UNC5D: variants seen among roughly 807,000 people sequenced by gnomAD.
UNC5D encodes the protein unc-5 netrin receptor D, also known as netrin receptor UNC5D.
UNC5D carries 39 observed loss-of-function variants against 105.4 expected under a neutral mutation model. The ratio of observed to expected loss-of-function variants is 0.37; its 90% CI spans 0.29 to 0.48. The LOEUF (loss-of-function observed/expected upper bound fraction) is 0.48, where lower values mean the gene tolerates loss of function less well. Ranked by LOEUF, UNC5D falls within the 20% of genes least tolerant of loss-of-function variation. The pLI is 0.98. For synonymous variants in UNC5D, 452 were observed against 450.4 expected, an observed-to-expected ratio of 1.00 and a Z score of -0.04; for missense variants, 991 against 1,202.4, an observed-to-expected ratio of 0.82 and a Z score of 2.60.
chr8:35,497,422 C>G (rs181442820), intron 1 of UNC5D, among the ~76,000 whole-genome samples: 1 of 152,280 alleles, frequency 6.6e-6, no homozygotes, highest in East Asian at 1.9e-4. Flanking sequence ...TCTCAAATGC[C>G]AGTGCAGCAT....
intron 1 of UNC5D, among the ~76,000 whole-genome samples, chr8:35,389,036 G>T (rs965320863): frequency 6.6e-6 from 1 of 152,182 alleles, no homozygotes; most frequent in African/African-American, 2.4e-5. Flanking sequence ...ATTGACAAGT[G>T]AACTTGGAAT....
chr8:35,686,495 AC>A, intron 6 of UNC5D, 49 bp from the exon 7 acceptor site: 1 of 1,505,700 alleles, frequency 6.6e-7, no homozygotes, highest in Non-Finnish European at 8.8e-7. Flanking sequence ...GAGTCTCCTG[AC>A]CGCTACTTGA....
chr8:35,641,189 G>A (rs1175516926), intron 4 of UNC5D, among the ~76,000 whole-genome samples: 5 of 151,842 alleles, frequency 3.3e-5, no homozygotes, highest in Non-Finnish European at 5.9e-5. Flanking sequence ...TGACTAATGA[G>A]CAGAATTTTT....
chr8:35,339,751 C>G (rs1221066736), intron 1 of UNC5D, among the ~76,000 whole-genome samples: 1 of 152,146 alleles, frequency 6.6e-6, no homozygotes, highest in Non-Finnish European at 1.5e-5. Flanking sequence ...GGAGGAAAAG[C>G]AGGTTTATCT....
At chr8:35,710,633 G>A (rs1004961720) in intron 8 of UNC5D, among the ~76,000 whole-genome samples, 1 of 152,132 alleles carries the variant, frequency 6.6e-6, no homozygotes, top group Non-Finnish European at 1.5e-5. Flanking sequence ...ATAGAGAAGA[G>A]AAAAGACCTG....
intron 1 of UNC5D, among the ~76,000 whole-genome samples, chr8:35,505,080 C>A (rs1420347906): frequency 6.6e-6 from 1 of 152,144 alleles, no homozygotes; most frequent in Admixed American, 6.5e-5. Flanking sequence ...GTGATGTATA[C>A]CCCATACCCT....
At chr8:35,443,606 G>A (rs1362020380) in intron 1 of UNC5D, among the ~76,000 whole-genome samples, 4 of 151,852 alleles carry the variant, frequency 2.6e-5, no homozygotes, top group African/African-American at 9.7e-5. Flanking sequence ...TTCAGAAAGA[G>A]GGCACTGCAT....
chr8:35,415,870 G>A (rs764555148), intron 1 of UNC5D, among the ~76,000 whole-genome samples: 2 of 152,126 alleles, frequency 1.3e-5, no homozygotes, highest in African/African-American at 2.4e-5. Flanking sequence ...AACTACAGTA[G>A]AGTAGGAAGA....
At chr8:35,685,093 T>C (rs1041232681) in intron 6 of UNC5D, among the ~76,000 whole-genome samples, 1 of 152,202 alleles carries the variant, frequency 6.6e-6, no homozygotes, top group African/African-American at 2.4e-5. Context: ...TTTATTTGTA[T>C]AATAGTTAGC....
At chr8:35,733,220 C>A (rs1586553452) in intron 11 of UNC5D, among the ~76,000 whole-genome samples, 1 of 152,180 alleles carries the variant, frequency 6.6e-6, no homozygotes, top group Non-Finnish European at 1.5e-5. Flanking sequence ...GCCTCACTCC[C>A]TTTTGATAGC....
chr8:35,737,404 T>G (rs1406709169), intron 11 of UNC5D, among the ~76,000 whole-genome samples: 1 of 151,462 alleles, frequency 6.6e-6, no homozygotes, highest in African/African-American at 2.4e-5. Context: ...CACTTGAGAG[T>G]TTGTGATAAT....
intron 4 of UNC5D, among the ~76,000 whole-genome samples, chr8:35,636,715 C>T (rs537931242): frequency 6.6e-6 from 1 of 152,274 alleles, no homozygotes; most frequent in East Asian, 1.9e-4. Flanking sequence ...ATCAGGCCTC[C>T]AGAGGCATAT....
intron 1 of UNC5D, among the ~76,000 whole-genome samples, chr8:35,382,030 A>T (rs1235398359): frequency 6.6e-6 from 1 of 152,244 alleles, no homozygotes; most frequent in Admixed American, 6.5e-5. Flanking sequence ...CAGCATTTTT[A>T]AAGAACACAT....
intron 1 of UNC5D, among the ~76,000 whole-genome samples, chr8:35,410,980 G>C (rs1805125928): frequency 6.6e-6 from 1 of 152,042 alleles, no homozygotes; most frequent in South Asian, 2.1e-4. Flanking sequence ...TGGACACCTT[G>C]CAGTCCCTTC....
intron 1 of UNC5D, among the ~76,000 whole-genome samples, chr8:35,326,235 A>G (rs900242098): frequency 6.6e-6 from 1 of 152,176 alleles, no homozygotes; most frequent in African/African-American, 2.4e-5. Flanking sequence ...AGTTCCCTCC[A>G]ACTCTGGAAG....
chr8:35,325,626 C>A (rs1352140439), intron 1 of UNC5D, among the ~76,000 whole-genome samples: 1 of 152,110 alleles, frequency 6.6e-6, no homozygotes. Context: ...ACATACAATG[C>A]GTTCTATTCT....
chr8:35,333,274 T>G (rs1025916357), intron 1 of UNC5D, among the ~76,000 whole-genome samples: 6 of 152,158 alleles, frequency 3.9e-5, no homozygotes, highest in African/African-American at 1.4e-4. Context: ...TGAGCTCTGA[T>G]CGTGCCACTG....
At chr8:35,780,405 C>T (rs1254728625) in intron 16 of UNC5D, among the ~76,000 whole-genome samples, 1 of 152,194 alleles carries the variant, frequency 6.6e-6, no homozygotes, top group Non-Finnish European at 1.5e-5. Flanking sequence ...TTCATTTCCT[C>T]TGTCCATCCT....
intron 1 of UNC5D, among the ~76,000 whole-genome samples, chr8:35,548,365 A>G (rs531068538): frequency 3.9e-5 from 6 of 152,278 alleles, no homozygotes; most frequent in African/African-American, 1.4e-4. Flanking sequence ...CTTTGGTCTT[A>G]CAGTAGAATG....
Sources: gnomAD v4.1 joint callset for allele counts (sites outside exome capture counted in the v4.1 genomes callset) on GRCh38, gnomAD v4.1.1 for gene constraint, MANE v1.5 for transcripts, NCBI Gene and HGNC (gene_info 2026-07-23, HGNC 2026-07-21) for gene names.